Variants in NQO2 observed in about 807,000 individuals in gnomAD.
NQO2 encodes the protein N-ribosyldihydronicotinamide:quinone dehydrogenase 2, also known as ribosyldihydronicotinamide dehydrogenase [quinone].
Under a neutral mutation model 22.0 loss-of-function variants are expected in NQO2, and 18 were observed. That is an observed-to-expected ratio of 0.82 (90% CI 0.56 to 1.21). The LOEUF is 1.21. Ranked by LOEUF, NQO2 falls within the 50% of genes most tolerant of loss-of-function variation. NQO2 has a pLI of 0.00. For missense variants in NQO2, 267 were observed against 286.9 expected, an observed-to-expected ratio of 0.93 and a Z score of 0.50; for synonymous variants, 106 against 110.8, an observed-to-expected ratio of 0.96 and a Z score of 0.28.
At chr6:3,000,754 G>A (rs1183220710) in intron 1 of NQO2, among the ~76,000 whole-genome samples, 1 of 152,148 alleles carries the variant, frequency 6.6e-6, no homozygotes, top group Non-Finnish European at 1.5e-5. Context: ...GGTCAGGCTG[G>A]TCTCAAACTC....
intron 1 of NQO2, chr6:3,005,715 CA>C: frequency 1.0e-6 from 1 of 985,316 alleles, no homozygotes; most frequent in Non-Finnish European, 1.2e-6. Flanking sequence ...GGGGTGAGGC[CA>C]AAGGCTCCCC....
rs545869077 is a variant in NQO2 at position 3,012,404 on chromosome 6, A to C, written c.173-140A>C. ...GCTTCTCTTTCCCTAGCTCGGACCCAGGGTGCAGCTTCTGGTCAGGTTGCA... is the reference window on the plus strand; with the variant it reads ...GCTTCTCTTTCCCTAGCTCGGACCCCGGGTGCAGCTTCTGGTCAGGTTGCA... On this transcript the variant is annotated intron_variant, in intron 3 of 6. Coordinates refer to ENST00000380455, the MANE Select transcript of NQO2 (RefSeq NM_000904.6). The C allele has an allele frequency of 1.2e-4, 182 of 1,465,116 alleles. No individual in the cohort carries two copies. In the African/African-American group the frequency reaches 2.1e-3, roughly 17 times the overall value. The allele number at this position is 1,465,116 out of a possible 1,614,324, so 90.8% of individuals were successfully genotyped here.
intron 3 of NQO2, among the ~76,000 whole-genome samples, chr6:3,010,702 G>C (rs891185564): frequency 2.0e-5 from 3 of 152,172 alleles, no homozygotes; most frequent in African/African-American, 7.2e-5. Flanking sequence ...TGGAAACTCT[G>C]ATCTGTAACT....
chr6:3,012,687 C>G lies in NQO2; in HGVS notation c.303+13C>G. On this transcript the variant is annotated intron_variant, in intron 4 of 6. Coordinates refer to ENST00000380455, the MANE Select transcript of NQO2 (RefSeq NM_000904.6). The stretch of plus-strand genomic sequence containing the variant: ...AGTGATATTTCAGGTTTGTTTTTCT[C>G]TAATTAATATATTGAATCAGATTCA... 1 of 1,610,072 alleles carries G rather than the reference C, an allele frequency of 6.2e-7. No homozygotes were observed. Among genetic ancestry groups the G allele is most frequent in the Non-Finnish European group, 8.5e-7 (1 of 1,178,002 alleles).
intron 1 of NQO2, among the ~76,000 whole-genome samples, chr6:3,001,334 G>A (rs763067943): frequency 3.6e-4 from 55 of 152,140 alleles, no homozygotes; most frequent in African/African-American, 1.2e-3. Flanking sequence ...CAGGTGATCC[G>A]CCTGCCTCGG....
In NQO2 at chr6:3,016,976, G is replaced by A; in HGVS notation, c.510G>A (p.Trp170Ter). The A allele has an allele frequency of 6.2e-7, 1 of 1,613,806 alleles. No individual in the cohort carries two copies. Among genetic ancestry groups the A allele is most frequent in the South Asian group, 1.1e-5 (1 of 91,058 alleles). Reference protein sequence around the residue: ...GVNGDSRYFLWPLQHGTLHFC... With the variant: ...GVNGDSRYFL ...ATGGAGATTCTCGATACTTCCTGTG[G>A]CCACTCCAGGTAGACCAGCTGCGAG... The change falls in exon 6 of 7, where the codon TGG becomes TGA. Residue 170 changes from tryptophan (W) to a stop codon, truncating the protein, a stop_gained. Transcript: ENST00000380455. LOFTEE classifies it low-confidence loss of function (END_TRUNC).
At chr6:3,003,341 C>A (rs1330460582) in intron 1 of NQO2, among the ~76,000 whole-genome samples, 1 of 151,072 alleles carries the variant, frequency 6.6e-6, no homozygotes, top group Non-Finnish European at 1.5e-5. Context: ...AGGAACTAGA[C>A]AAGTAACTTG....
intron 2 of NQO2, among the ~76,000 whole-genome samples, chr6:3,007,345 T>C (rs1454659765): frequency 6.6e-6 from 1 of 152,218 alleles, no homozygotes; most frequent in African/African-American, 2.4e-5. Context: ...TTCATTTGCA[T>C]CTATTCTCCT....
chr6:3,016,037 G>A lies in NQO2; in HGVS notation c.417+394G>A, dbSNP rs139122857. On this transcript the variant is annotated intron_variant, in intron 5 of 6. Coordinates refer to ENST00000380455, the MANE Select transcript of NQO2 (RefSeq NM_000904.6). ...TCACCCCCTTGAGCATCATGTGCCTGCTGTGAGAAAAGACCATGCGACACC... is the reference window on the plus strand; with the variant it reads ...TCACCCCCTTGAGCATCATGTGCCTACTGTGAGAAAAGACCATGCGACACC... Among the ~76,000 whole-genome samples, 219 of 152,324 alleles carry A rather than the reference G, an allele frequency of 1.4e-3. 1 individual carries two copies. The highest frequency in any genetic ancestry group is 5.0e-3 in the African/African-American group (209 of 41,574).
At chr6:3,014,473 TC>T (rs1186083051) in intron 4 of NQO2, among the ~76,000 whole-genome samples, 2 of 152,082 alleles carry the variant, frequency 1.3e-5, no homozygotes, top group African/African-American at 4.8e-5. Context: ...GCTTCTCCTG[TC>T]CCCCTTGGGT....
intron 6 of NQO2, among the ~76,000 whole-genome samples, chr6:3,017,866 G>A (rs1757391619): frequency 6.6e-6 from 1 of 152,166 alleles, no homozygotes. Flanking sequence ...CCCCTTTTCT[G>A]TGAACTCTCT....
At chr6:3,017,799 CA>C (rs1561718062) in intron 6 of NQO2, among the ~76,000 whole-genome samples, 3 of 152,252 alleles carry the variant, frequency 2.0e-5, no homozygotes, top group South Asian at 4.1e-4. Flanking sequence ...TTTGTCGAGA[CA>C]GGGGGAGAGC....
intron 6 of NQO2, 83 bp downstream of exon 6, chr6:3,017,068 A>C: frequency 6.9e-7 from 1 of 1,449,904 alleles, no homozygotes; most frequent in Non-Finnish European, 9.4e-7. Context: ...ACACACACAC[A>C]CGCACACACA....
At chr6:3,019,379 A>C in intron 6 of NQO2, 100 bp from the exon 7 acceptor site, 2 of 1,451,262 alleles carry the variant, frequency 1.4e-6, no homozygotes, top group Non-Finnish European at 1.8e-6. Flanking sequence ...TGATTTTTTG[A>C]AGGTTTGTTT....
At chr6:3,017,046 G>GACA (rs1757354005) in intron 6 of NQO2, 61 bp downstream of exon 6, 1 of 1,573,148 alleles carries the variant, frequency 6.4e-7, no homozygotes, top group Non-Finnish European at 8.6e-7. Flanking sequence ...ACACACACAT[G>GACA]CACACATGCA....
chr6:3,012,654 G>C lies in NQO2; in HGVS notation c.283G>C (p.Ala95Pro). 6.2e-7 allele frequency: 1 copy of C among 1,613,812 alleles called. No individual in the cohort carries two copies. The highest frequency in any genetic ancestry group is 1.1e-5 in the South Asian group (1 of 90,998). Residue 95 changes from alanine to proline, a missense_variant, in exon 4 of 7, where the codon GCT becomes CCT. Transcript: ENST00000380455. ...ITDEQKKVRE[A>P]DLVIFQFPLY... is the part of the protein sequence containing the mutation. ...TGATGAGCAGAAAAAGGTTCGGGAGGCTGACCTAGTGATATTTCAGGTTTG... is the reference window on the plus strand; with the variant it reads ...TGATGAGCAGAAAAAGGTTCGGGAGCCTGACCTAGTGATATTTCAGGTTTG...
chr6:3,009,663 ATCT>A (rs1750792397), intron 2 of NQO2, among the ~76,000 whole-genome samples: 1 of 152,198 alleles, frequency 6.6e-6, no homozygotes, highest in East Asian at 1.9e-4. Context: ...TGTCCACGAA[ATCT>A]TCACAATTTA....
chr6:3,018,582 C>T (rs1757420493), intron 6 of NQO2, among the ~76,000 whole-genome samples: 1 of 152,126 alleles, frequency 6.6e-6, no homozygotes, highest in African/African-American at 2.4e-5. Flanking sequence ...GTGTGTGGGC[C>T]TCTCACTCCC....
Position 3,005,445 on chromosome 6 carries a change from T to C in NQO2, c.-85-1023T>C, listed in dbSNP as rs28383608. On this transcript the variant is annotated intron_variant, in intron 1 of 6. Coordinates refer to ENST00000380455, the MANE Select transcript of NQO2 (RefSeq NM_000904.6). Reference sequence around the variant, plus strand: ...GTAGTAGTAGCCATTCTAATGCGTGTGATATGGGATCTCATTGTGGTTTTG... The same window carrying C: ...GTAGTAGTAGCCATTCTAATGCGTGCGATATGGGATCTCATTGTGGTTTTG... Among the ~76,000 whole-genome samples, 1,435 of 152,348 alleles carry C rather than the reference T, an allele frequency of 9.4e-3. 50 individuals carry two copies. Among genetic ancestry groups the C allele is most frequent in the Admixed American group, 0.071 (1,093 of 15,304 alleles).
Sources: gnomAD v4.1 joint callset for allele counts (sites outside exome capture counted in the v4.1 genomes callset) on GRCh38, gnomAD v4.1.1 for gene constraint, MANE v1.5 for transcripts, NCBI Gene and HGNC (gene_info 2026-07-23, HGNC 2026-07-21) for gene names.